TBC1D1: variants seen among roughly 807,000 people sequenced by gnomAD.
TBC1D1 encodes TBC1 domain family member 1.
A neutral mutation model predicts 125.6 loss-of-function variants in TBC1D1; 89 were observed. The ratio of observed to expected loss-of-function variants is 0.71; its 90% CI spans 0.60 to 0.85. The LOEUF is 0.85. TBC1D1 is among the 40% of genes least tolerant of loss of function. TBC1D1 has a pLI of 0.00. For synonymous variants in TBC1D1, 565 were observed against 564.1 expected, an observed-to-expected ratio of 1.00 and a Z score of -0.02; for missense variants, 1,377 against 1,469.2, an observed-to-expected ratio of 0.94 and a Z score of 1.03.
intron 2 of TBC1D1, among the ~76,000 whole-genome samples, chr4:37,966,207 A>G (rs1731024831): frequency 6.6e-6 from 1 of 152,234 alleles, no homozygotes; most frequent in Non-Finnish European, 1.5e-5. Context: ...GCCAGCAGGT[A>G]TAGGCTAGCA....
chr4:37,905,474 C>T (rs1372353206), intron 2 of TBC1D1, among the ~76,000 whole-genome samples: 7 of 152,174 alleles, frequency 4.6e-5, no homozygotes, highest in Admixed American at 1.3e-4. Context: ...CCAAATTAGG[C>T]CTGTAAGGTG....
intron 2 of TBC1D1, among the ~76,000 whole-genome samples, chr4:37,981,814 G>A (rs1267049534): frequency 1.3e-5 from 2 of 152,170 alleles, no homozygotes; most frequent in Admixed American, 1.3e-4. Flanking sequence ...TGGAAAAGAG[G>A]AGTGATGTCA....
rs1365655105 is a variant in TBC1D1, at chr4:38,137,358, A to G, written c.*23A>G. 10 of 1,601,566 alleles carry G rather than the reference A, an allele frequency of 6.2e-6. No individual in the cohort carries two copies. The highest frequency in any genetic ancestry group is 1.7e-5 in the Admixed American group (1 of 58,966). ...TGACAGCTCTGCAGGAGAGATTGCA[A>G]CACCATCCCACACTGTCCAGGCCTT... On this transcript the variant is annotated 3_prime_UTR_variant, in exon 20 of 20. Coordinates refer to ENST00000261439, the MANE Select transcript of TBC1D1 (RefSeq NM_015173.4).
chr4:38,035,639 C>A lies in TBC1D1; in HGVS notation c.1354C>A (p.Leu452Met). Reference sequence around the variant, plus strand: ...AGAGAATGAATTGATTATTTCTTTTCTGAGATGTTTATATGAAGAGAAACA... The same window carrying A: ...AGAGAATGAATTGATTATTTCTTTTATGAGATGTTTATATGAAGAGAAACA... Residue 452 changes from leucine to methionine, a missense_variant, in exon 8 of 20, where the codon CTG becomes ATG. Leu to Met is a conservative substitution (Grantham distance 15). Around this residue, in one of 3 missense-constraint regions of TBC1D1, gnomAD observed 822 missense variants for 824.6 expected, o/e 1.00. Transcript: ENST00000261439. The A allele has an allele frequency of 3.7e-6, 6 of 1,613,812 alleles. No homozygotes were observed. The highest frequency in any genetic ancestry group is 5.1e-6 in the Non-Finnish European group (6 of 1,179,874).
intron 12 of TBC1D1, among the ~76,000 whole-genome samples, chr4:38,081,447 G>A (rs1411443016): frequency 6.7e-6 from 1 of 150,338 alleles, no homozygotes; most frequent in Admixed American, 6.6e-5. Flanking sequence ...CGGTGACCCC[G>A]GGCCTCCTAT....
At chr4:38,065,468 T>A (rs1377476659) in intron 12 of TBC1D1, among the ~76,000 whole-genome samples, 1 of 152,206 alleles carries the variant, frequency 6.6e-6, no homozygotes, top group Non-Finnish European at 1.5e-5. Context: ...AAACAGCACA[T>A]TGAAAATTAG....
intron 12 of TBC1D1, among the ~76,000 whole-genome samples, chr4:38,065,441 A>C (rs989147958): frequency 1.1e-4 from 16 of 152,226 alleles, no homozygotes; most frequent in African/African-American, 3.6e-4. Context: ...ATTCCAAAAA[A>C]GTCCTGAGTG....
intron 19 of TBC1D1, among the ~76,000 whole-genome samples, chr4:38,134,597 C>CTAATAA (rs1444318215): frequency 6.6e-6 from 1 of 152,182 alleles, no homozygotes; most frequent in Non-Finnish European, 1.5e-5. Flanking sequence ...GTGGAAACTT[C>CTAATAA]TAATAAAGCT....
intron 2 of TBC1D1, among the ~76,000 whole-genome samples, chr4:37,963,525 T>G (rs182456709): frequency 1.2e-3 from 180 of 152,252 alleles, no homozygotes; most frequent in African/African-American, 4.0e-3. Flanking sequence ...TGGTGGCACA[T>G]GCCTGTAACC....
intron 2 of TBC1D1, chr4:37,960,850 T>C: frequency 6.2e-7 from 1 of 1,614,102 alleles, no homozygotes; most frequent in Non-Finnish European, 8.5e-7. Context: ...ATTGCACACC[T>C]CCCCTTGAGT....
At chr4:37,948,059 G>C (rs543028715) in intron 2 of TBC1D1, among the ~76,000 whole-genome samples, 2 of 152,170 alleles carry the variant, frequency 1.3e-5, no homozygotes, top group African/African-American at 4.8e-5. Flanking sequence ...CTTGCCCAAG[G>C]TCACCTAGTC....
Position 37,915,226 on chromosome 4 carries a change from C to T in TBC1D1, c.417+12714C>T, listed in dbSNP as rs139310248. Among the ~76,000 whole-genome samples, 216 of 152,220 alleles carry T rather than the reference C, an allele frequency of 1.4e-3. 2 individuals carry two copies. Among genetic ancestry groups the T allele is most frequent in the African/African-American group, 4.9e-3 (203 of 41,522 alleles). On this transcript the variant is annotated intron_variant, in intron 2 of 19. Coordinates refer to ENST00000261439, the MANE Select transcript of TBC1D1 (RefSeq NM_015173.4). ...CTTTCTATTTTTTTTAACCTGATAT[C>T]ATCTAGAAGCTCCTGTATTAGTCAG...
At chr4:38,088,277 T>TG (rs1317370767) in intron 12 of TBC1D1, among the ~76,000 whole-genome samples, 1 of 152,204 alleles carries the variant, frequency 6.6e-6, no homozygotes. Flanking sequence ...ATACAGGGTT[T>TG]GGGGGTGAAA....
intron 14 of TBC1D1, among the ~76,000 whole-genome samples, chr4:38,098,408 T>G (rs977713513): frequency 6.6e-6 from 1 of 152,220 alleles, no homozygotes; most frequent in Non-Finnish European, 1.5e-5. Context: ...TATTTGAGCT[T>G]CTTAGAAGCC....
intron 2 of TBC1D1, among the ~76,000 whole-genome samples, chr4:37,946,889 A>G (rs1726806922): frequency 6.6e-6 from 1 of 152,202 alleles, no homozygotes; most frequent in Admixed American, 6.5e-5. Flanking sequence ...GCATGTCCAC[A>G]TCGTCTTGTA....
intron 2 of TBC1D1, among the ~76,000 whole-genome samples, chr4:38,004,201 CCAG>C (rs1276963407): frequency 1.3e-5 from 2 of 152,180 alleles, no homozygotes; most frequent in African/African-American, 4.8e-5. Flanking sequence ...ATAGTTGTGA[CCAG>C]CAACGAGAGT....
In TBC1D1 at chr4:37,958,779, G is replaced by T. The variant is rs1426512712; in HGVS notation, c.418-55730G>T. On this transcript the variant is annotated intron_variant, in intron 2 of 19. Transcript: ENST00000261439. ...TAATAATTCCTGCTAATGGTATAAT[G>T]AGACAGGATTACAGACAGGTGGCCT... 3.9e-5 allele frequency among the ~76,000 whole-genome samples: 6 copies of T among 152,206 alleles called. No individual in the cohort carries two copies. The East Asian group carries it at 1.2e-3, about 29-fold the overall frequency.
chr4:38,008,863 T>C (rs766528785), intron 2 of TBC1D1, among the ~76,000 whole-genome samples: 2 of 152,182 alleles, frequency 1.3e-5, no homozygotes, highest in Non-Finnish European at 2.9e-5. Context: ...AAATCACATA[T>C]GCGTGAGCCT....
chr4:37,965,090 C>T (rs1730822099), intron 2 of TBC1D1, among the ~76,000 whole-genome samples: 2 of 152,246 alleles, frequency 1.3e-5, no homozygotes, highest in Non-Finnish European at 1.5e-5. Context: ...ATTTTACTTT[C>T]CTGAACCTCA....
Sources: allele counts gnomAD v4.1 joint callset (sites outside exome capture counted in the v4.1 genomes callset), GRCh38; gene constraint gnomAD v4.1.1; regional missense constraint gnomAD v4.1.1; transcripts MANE v1.5; gene names NCBI Gene and HGNC (gene_info 2026-07-23, HGNC 2026-07-21).